UNC13C: variants seen among roughly 807,000 people sequenced by gnomAD.
UNC13C encodes the protein protein unc-13 homolog C.
In UNC13C, 174 loss-of-function variants were observed where a neutral mutation model predicts 245.4. That is an observed-to-expected ratio of 0.71 (90% CI 0.63 to 0.80). The LOEUF is 0.80. Among genes scored for constraint, UNC13C ranks in the 30% least tolerant of loss-of-function variants. The pLI, the probability that UNC13C is intolerant of heterozygous loss-of-function variation, is 0.00. For synonymous variants in UNC13C, 992 were observed against 895.1 expected (o/e 1.11, Z -1.93); for missense variants, 2,829 against 2,602.9 (o/e 1.09, Z -1.89).
the UNC13C span, among the ~76,000 whole-genome samples, chr15:53,943,755 T>C: frequency 6.6e-6 from 1 of 152,198 alleles, no homozygotes; most frequent in African/African-American, 2.4e-5. Context: ...ATTTCTCCTT[T>C]CAGTTCTATC....
chr15:54,347,717 G>T (rs537618975), intron 17 of UNC13C, among the ~76,000 whole-genome samples: 1 of 152,228 alleles, frequency 6.6e-6, no homozygotes. Context: ...AGTGGGAGTT[G>T]TATGTAAAAT....
the UNC13C span, among the ~76,000 whole-genome samples, chr15:53,852,179 T>C: frequency 3.5e-4 from 53 of 152,256 alleles, no homozygotes; most frequent in African/African-American, 1.3e-3. Context: ...AGATTTTAAT[T>C]GAATTAGAGG....
At chr15:54,405,116 GC>G (rs762899392) in intron 18 of UNC13C, among the ~76,000 whole-genome samples, 48 of 152,184 alleles carry the variant, frequency 3.2e-4, no homozygotes, top group Non-Finnish European at 5.9e-4. Flanking sequence ...CAGTGACTAT[GC>G]AAAATATTTA....
chr15:54,051,215 CT>C (rs907451340), intron 2 of UNC13C, among the ~76,000 whole-genome samples: 18 of 152,018 alleles, frequency 1.2e-4, no homozygotes, highest in African/African-American at 2.9e-4. Flanking sequence ...ATGGATCCAA[CT>C]TTTTTTTCTA....
At chr15:54,419,821 T>G (rs2040600127) in intron 19 of UNC13C, among the ~76,000 whole-genome samples, 1 of 151,526 alleles carries the variant, frequency 6.6e-6, no homozygotes, top group Admixed American at 6.7e-5. Flanking sequence ...TTAAATTTCT[T>G]GTTAACTCAA....
intron 29 of UNC13C, among the ~76,000 whole-genome samples, chr15:54,567,167 C>T (rs1254808184): frequency 6.6e-6 from 1 of 151,892 alleles, no homozygotes; most frequent in Non-Finnish European, 1.5e-5. Flanking sequence ...TCTCTATTAT[C>T]TTATTTATAA....
At chr15:54,118,661 A>G (rs1320909206) in intron 2 of UNC13C, among the ~76,000 whole-genome samples, 3 of 152,182 alleles carry the variant, frequency 2.0e-5, no homozygotes, top group African/African-American at 7.2e-5. Context: ...TACTCTGGCC[A>G]GGACTTCCAG....
chr15:54,041,273 C>G lies in UNC13C; in HGVS notation c.2983+25387C>G, dbSNP rs1896796357. The stretch of plus-strand genomic sequence containing the variant: ...CTTAAATATCATTTTAATTGGTAGT[C>G]AAATATTTCATTGTCTCTACAAATT... On this transcript the variant is annotated intron_variant, in intron 2 of 32. Coordinates refer to ENST00000260323, the MANE Select transcript of UNC13C (RefSeq NM_001080534.3). Among the ~76,000 whole-genome samples, 3 of 152,238 alleles carry G rather than the reference C, an allele frequency of 2.0e-5. No individual in the cohort carries two copies. The South Asian group carries it at 6.2e-4, about 32-fold the overall frequency.
the UNC13C span, among the ~76,000 whole-genome samples, chr15:53,866,612 A>T: frequency 6.6e-6 from 1 of 152,188 alleles, no homozygotes; most frequent in African/African-American, 2.4e-5. Context: ...CTTGCCCCTG[A>T]CCCGCAGGCA....
intron 13 of UNC13C, chr15:54,320,840 T>C: frequency 3.2e-6 from 1 of 315,322 alleles, no homozygotes; most frequent in Non-Finnish European, 6.2e-6. Flanking sequence ...AGCTTCTGCC[T>C]CCAAAGTTTC....
intron 13 of UNC13C, among the ~76,000 whole-genome samples, chr15:54,318,008 G>A (rs1263146145): frequency 6.6e-6 from 1 of 151,850 alleles, no homozygotes; most frequent in Admixed American, 6.6e-5. Flanking sequence ...TCTGTGTCTG[G>A]CTTATTTCAC....
intron 30 of UNC13C, among the ~76,000 whole-genome samples, chr15:54,576,581 G>A (rs1285619029): frequency 6.6e-6 from 1 of 152,200 alleles, no homozygotes; most frequent in Non-Finnish European, 1.5e-5. Context: ...CAGAGGAACT[G>A]ACGTTGTAGA....
At chr15:53,902,553 G>A in the UNC13C span, among the ~76,000 whole-genome samples, 990 of 152,304 alleles carry the variant, frequency 6.5e-3, 12 homozygotes, top group African/African-American at 0.023. Context: ...TGTAATGACG[G>A]ATGGGAACTA....
At chr15:53,946,481 T>A in the UNC13C span, among the ~76,000 whole-genome samples, 1 of 150,182 alleles carries the variant, frequency 6.7e-6, no homozygotes, top group Admixed American at 6.7e-5. Flanking sequence ...GGAGTCTTGC[T>A]GTGTCACCCA....
At chr15:53,843,141 A>G in the UNC13C span, among the ~76,000 whole-genome samples, 3 of 152,214 alleles carry the variant, frequency 2.0e-5, no homozygotes, top group African/African-American at 7.2e-5. Flanking sequence ...TGGGTCACCT[A>G]TTTGGTAAAT....
chr15:54,255,214 C>T (rs970390509), intron 8 of UNC13C, among the ~76,000 whole-genome samples: 6 of 152,234 alleles, frequency 3.9e-5, no homozygotes, highest in African/African-American at 1.4e-4. Context: ...CCTCCCTTAT[C>T]GCAAGGACAG....
At chr15:54,511,390 G>C (rs926749308) in intron 23 of UNC13C, among the ~76,000 whole-genome samples, 4 of 151,978 alleles carry the variant, frequency 2.6e-5, no homozygotes, top group African/African-American at 7.2e-5. Context: ...TTCTAAAACA[G>C]TAAAATAACA....
chr15:54,254,077 A>G (rs147037028), intron 8 of UNC13C, among the ~76,000 whole-genome samples: 54 of 152,358 alleles, frequency 3.5e-4, no homozygotes, highest in Middle Eastern at 3.4e-3. Context: ...TTGAACTTAT[A>G]TGTCCTAAGA....
chr15:54,535,048 G>A (rs934314537), intron 26 of UNC13C, among the ~76,000 whole-genome samples: 3 of 152,004 alleles, frequency 2.0e-5, no homozygotes, highest in East Asian at 1.9e-4. Flanking sequence ...GGATAAAATC[G>A]CACATATCAA....
Sources: gnomAD v4.1 joint callset for allele counts (sites outside exome capture counted in the v4.1 genomes callset) on GRCh38, gnomAD v4.1.1 for gene constraint, MANE v1.5 for transcripts, NCBI Gene and HGNC (gene_info 2026-07-23, HGNC 2026-07-21) for gene names.